Variants in RBM19 observed in about 807,000 individuals in gnomAD.
RBM19 encodes probable RNA-binding protein 19.
Under a neutral mutation model 116.8 loss-of-function variants are expected in RBM19, and 94 were observed. That is an observed-to-expected ratio of 0.80 (90% CI 0.68 to 0.95). RBM19 has a LOEUF of 0.95. RBM19 is among the 40% of genes least tolerant of loss of function. The pLI is 0.00. For missense variants in RBM19, 1,161 were observed against 1,220.7 expected, an observed-to-expected ratio of 0.95 and a Z score of 0.73; for synonymous variants, 475 against 494.1, an observed-to-expected ratio of 0.96 and a Z score of 0.51.
intron 5 of RBM19, 107 bp from the exon 6 acceptor site, chr12:113,958,157 C>T: frequency 2.0e-6 from 3 of 1,505,762 alleles, no homozygotes; most frequent in Non-Finnish European, 2.6e-6. Context: ...GGCACCATGC[C>T]CACCGTGTCC....
At chr12:113,850,732 C>T (rs1877375920) in intron 22 of RBM19, among the ~76,000 whole-genome samples, 1 of 152,250 alleles carries the variant, frequency 6.6e-6, no homozygotes, top group African/African-American at 2.4e-5. Context: ...GGACAGTATT[C>T]CTGTCTTTAG....
chr12:113,830,153 C>T (rs1414960750), intron 23 of RBM19, among the ~76,000 whole-genome samples: 1 of 152,184 alleles, frequency 6.6e-6, no homozygotes, highest in Non-Finnish European at 1.5e-5. Flanking sequence ...GAGGGGGACA[C>T]TAGCCCAGCC....
At chr12:113,840,886 A>G (rs900188578) in intron 23 of RBM19, among the ~76,000 whole-genome samples, 2 of 152,208 alleles carry the variant, frequency 1.3e-5, no homozygotes, top group African/African-American at 4.8e-5. Context: ...CTGTTGCTCC[A>G]TGGGCACTGC....
intron 21 of RBM19, among the ~76,000 whole-genome samples, chr12:113,871,810 G>A (rs1204233972): frequency 6.6e-6 from 1 of 151,900 alleles, no homozygotes; most frequent in Admixed American, 6.6e-5. Context: ...CTCAGTCTTT[G>A]CCGCCGCGCC....
At chr12:113,916,506 GC>G (rs763886678) in intron 20 of RBM19, among the ~76,000 whole-genome samples, 9 of 152,184 alleles carry the variant, frequency 5.9e-5, no homozygotes, top group Non-Finnish European at 1.2e-4. Flanking sequence ...TGGTGTTCAT[GC>G]CCTGGGTAAT....
At chr12:113,873,318 C>A (rs1879423769) in intron 21 of RBM19, among the ~76,000 whole-genome samples, 1 of 32,236 alleles carries the variant, frequency 3.1e-5, no homozygotes, top group African/African-American at 1.1e-4. Flanking sequence ...GGAGACTTTT[C>A]ATTTTGTTCT....
intron 21 of RBM19, among the ~76,000 whole-genome samples, chr12:113,875,896 G>C (rs997599087): frequency 6.6e-6 from 1 of 152,094 alleles, no homozygotes; most frequent in African/African-American, 2.4e-5. Context: ...TGTGAATCTC[G>C]GCCACACCTC....
chr12:113,877,396 G>A (rs767246983), intron 21 of RBM19, among the ~76,000 whole-genome samples: 1 of 152,228 alleles, frequency 6.6e-6, no homozygotes, highest in Non-Finnish European at 1.5e-5. Flanking sequence ...GGAGTTAGGG[G>A]GAGCCCTGTG....
chr12:113,948,637 T>C (rs112937985), intron 10 of RBM19, among the ~76,000 whole-genome samples, 196 bp downstream of exon 10: 237 of 152,348 alleles, frequency 1.6e-3, no homozygotes, highest in African/African-American at 5.5e-3. Context: ...CTTCCTGCCC[T>C]GCGAATCCCT....
intron 22 of RBM19, among the ~76,000 whole-genome samples, chr12:113,858,554 C>T (rs1167002855): frequency 1.3e-5 from 2 of 152,204 alleles, no homozygotes; most frequent in African/African-American, 4.8e-5. Flanking sequence ...GTCCCAGGTT[C>T]CTGCATATGT....
At chr12:113,874,297 G>A (rs1879504515) in intron 21 of RBM19, among the ~76,000 whole-genome samples, 1 of 152,238 alleles carries the variant, frequency 6.6e-6, no homozygotes, top group Non-Finnish European at 1.5e-5. Context: ...ATTAATGGAT[G>A]CTTGTCTTTT....
chr12:113,824,872 G>A (rs1874724546), intron 23 of RBM19, among the ~76,000 whole-genome samples: 1 of 151,812 alleles, frequency 6.6e-6, no homozygotes, highest in South Asian at 2.1e-4. Context: ...TCCCACCAAG[G>A]GATCCCTCTA....
rs1593598154 is a variant in RBM19, at chr12:113,927,047, C to T, written c.2244+7G>A. The T allele has an allele frequency of 1.2e-6, 2 of 1,611,482 alleles. No homozygotes were observed. Among genetic ancestry groups the T allele is most frequent in the South Asian group, 1.1e-5 (1 of 90,674 alleles). On this transcript the variant is annotated splice_region_variant and intron_variant, in intron 17 of 23. Transcript: ENST00000261741. ...GCCCCTCCCTCCTGGGCTGAGAAACCACTCACTTCCTTCAGCTTCTCTTCT... is the reference window on the plus strand; with the variant it reads ...GCCCCTCCCTCCTGGGCTGAGAAACTACTCACTTCCTTCAGCTTCTCTTCT...
intron 7 of RBM19, among the ~76,000 whole-genome samples, chr12:113,953,142 A>G (rs1246825958): frequency 1.3e-5 from 2 of 152,244 alleles, no homozygotes; most frequent in African/African-American, 2.4e-5. Flanking sequence ...CAGAACAGAT[A>G]AAGACTTCAA....
rs770543516 is a variant in RBM19 at position 113,844,668 on chromosome 12, C to T, written c.2785G>A (p.Glu929Lys). 1.5e-5 allele frequency: 24 copies of T among 1,610,246 alleles called. No homozygotes were observed. Among genetic ancestry groups the T allele is most frequent in the Admixed American group, 8.4e-5 (5 of 59,694 alleles). ...LRRKTAAHFH[E>K]PPKKKRSVVL... ...GCCCAAAAGACCGTCCCGCTCCTAC[C>T]GTGAAAGTGAGCGGCCGTCTTCCGC... The change falls in exon 23 of 24, where the codon GAG becomes AAG. Residue 929 changes from glutamate to lysine, a missense_variant and splice_region_variant. Physicochemically the swap from Glu to Lys is moderately conservative, Grantham distance 56 (BLOSUM62 1). Transcript: ENST00000261741.
downstream of RBM19, among the ~76,000 whole-genome samples, chr12:113,820,459 G>A (rs1447012156): frequency 2.0e-5 from 3 of 152,050 alleles, no homozygotes; most frequent in Non-Finnish European, 2.9e-5. Flanking sequence ...GAGGAAGGCC[G>A]GGACAGCGAG....
At position 113,823,181 on chromosome 12, in the gene RBM19, C is replaced by G. The variant is rs373986450; in HGVS notation, c.*43G>C. ...AGTGCAGAAGCTGGAGCGGCTGTCC[C>G]GGTCCCCAGGGCCCCGGAGCCACAC... On this transcript the variant is annotated 3_prime_UTR_variant, in exon 24 of 24. Coordinates refer to ENST00000261741, the MANE Select transcript of RBM19 (RefSeq NM_016196.4). 1 of 1,569,540 alleles carries G rather than the reference C, an allele frequency of 6.4e-7. No homozygotes were observed. Among genetic ancestry groups the G allele is most frequent in the Non-Finnish European group, 8.7e-7 (1 of 1,152,952 alleles).
chr12:113,920,811 T>A, intron 18 of RBM19, 121 bp from the exon 19 acceptor site: 1 of 844,366 alleles, frequency 1.2e-6, no homozygotes. Flanking sequence ...ACCCCCTTCA[T>A]TCCCCCCAAA....
At chr12:113,957,724 C>T (rs1872075079) in intron 6 of RBM19, 58 bp downstream of exon 6, 5 of 1,519,374 alleles carry the variant, frequency 3.3e-6, no homozygotes, top group Non-Finnish European at 4.4e-6. Context: ...GCTGTGGGGA[C>T]CACGGGCAAG....
Sources: gnomAD v4.1 joint callset for allele counts (sites outside exome capture counted in the v4.1 genomes callset) on GRCh38, gnomAD v4.1.1 for gene constraint, MANE v1.5 for transcripts, NCBI Gene and HGNC (gene_info 2026-07-23, HGNC 2026-07-21) for gene names.